The following DDHD1 variants were observed in gnomAD, a reference collection of about 807,000 sequenced individuals.
DDHD1 encodes the protein phospholipase DDHD1.
A neutral mutation model predicts 96.4 loss-of-function variants in DDHD1; 49 were observed. The observed-to-expected ratio is 0.51, with a 90% CI of 0.40 to 0.64. DDHD1 has a LOEUF of 0.64. Ranked by LOEUF, DDHD1 falls within the 30% of genes least tolerant of loss-of-function variation. The pLI is 0.00. For synonymous variants in DDHD1, 442 were observed against 446.5 expected, an observed-to-expected ratio of 0.99 and a Z score of 0.13; for missense variants, 1,106 against 1,161.2, an observed-to-expected ratio of 0.95 and a Z score of 0.69.
chr14:53,051,973 T>A (rs1882625396), intron 11 of DDHD1, 46 bp from the exon 12 acceptor site: 1 of 1,463,392 alleles, frequency 6.8e-7, no homozygotes, highest in Non-Finnish European at 9.4e-7. Context: ...GGCTGATGAT[T>A]AAAAATGGCC....
In DDHD1 at chr14:53,103,687, T is replaced by C. The variant is rs143307366; in HGVS notation, c.1008A>G (p.Lys336=). ...DIEVSKSIDG[K]DAVHSFKLSR... ...AAATGTATCAATTGATCTTACCATC[T>C]TTTCCATCTATGGATTTTGACACTT... is the stretch of plus-strand genomic sequence containing the variant. Residue 336 remains lysine, a synonymous_variant, in exon 2 of 13, where the codon AAA becomes AAG. Transcript: ENST00000673822. 114 of 1,608,660 alleles carry C rather than the reference T, an allele frequency of 7.1e-5. No homozygotes were observed. In the African/African-American group the frequency reaches 9.1e-4, roughly 13 times the overall value.
chr14:53,065,666 T>C (rs970351701), intron 6 of DDHD1, among the ~76,000 whole-genome samples: 13 of 152,300 alleles, frequency 8.5e-5, no homozygotes, highest in Non-Finnish European at 1.9e-4. Flanking sequence ...CATGAGCATG[T>C]AAGAATCTGA....
intron 1 of DDHD1, among the ~76,000 whole-genome samples, chr14:53,148,910 T>C (rs1238183048): frequency 6.6e-6 from 1 of 152,200 alleles, no homozygotes; most frequent in Admixed American, 6.5e-5. Context: ...ATGTTACATA[T>C]AATAATCCTC....
chr14:53,086,972 CAAAAAA>C (rs60569444), intron 4 of DDHD1, among the ~76,000 whole-genome samples: 4 of 52,204 alleles, frequency 7.7e-5, no homozygotes, highest in African/African-American at 1.4e-4. Context: ...AAATGAAAAG[CAAAAAA>C]AAAAAAAAAA....
Position 53,076,369 on chromosome 14 carries a change from C to T in DDHD1, c.1290-2522G>A, listed in dbSNP as rs115230142. On this transcript the variant is annotated intron_variant, in intron 4 of 12. Coordinates refer to ENST00000673822, the MANE Select transcript of DDHD1 (RefSeq NM_001160148.2). ...AGATGTATTGGAAATAGCAAGAGAA[C>T]TAAAATAAGCAGAGTGTGAAGATGT... Among the ~76,000 whole-genome samples, 140 of 152,226 alleles carry T rather than the reference C, an allele frequency of 9.2e-4. 1 individual carries two copies. Among genetic ancestry groups the T allele is most frequent in the African/African-American group, 3.3e-3 (138 of 41,536 alleles).
At chr14:53,116,550 G>A (rs887610492) in intron 1 of DDHD1, among the ~76,000 whole-genome samples, 1 of 152,170 alleles carries the variant, frequency 6.6e-6, no homozygotes, top group African/African-American at 2.4e-5. Flanking sequence ...AATCAAATTA[G>A]AACTCAGGAT....
chr14:53,150,270 T>C (rs1891253726), intron 1 of DDHD1, among the ~76,000 whole-genome samples: 1 of 152,300 alleles, frequency 6.6e-6, no homozygotes, highest in Middle Eastern at 3.4e-3. Context: ...TAAGACTCTG[T>C]CTTAAATTTT....
chr14:53,106,244 C>T (rs757832344), intron 1 of DDHD1, among the ~76,000 whole-genome samples: 2 of 152,172 alleles, frequency 1.3e-5, no homozygotes, highest in Admixed American at 1.3e-4. Context: ...ATTATCACCA[C>T]ATATTTCCTA....
At chr14:53,080,627 A>C (rs1885379631) in intron 4 of DDHD1, among the ~76,000 whole-genome samples, 1 of 150,752 alleles carries the variant, frequency 6.6e-6, no homozygotes, top group Admixed American at 6.6e-5. Flanking sequence ...TCATAGAATA[A>C]TTTTCTCTAT....
At position 53,046,882 on chromosome 14, in the gene DDHD1, A is replaced by G. The variant is rs757075549; in HGVS notation, c.2589T>C (p.Ala863=). The part of the protein sequence containing the change: ...EGLVESRYWS[A]VTSHTAYWSS... ...ACCAATAGGCAGTATGCGACGTGAC[A>G]GCTGACCAATAGCGGCTCTCCACAA... The change falls in exon 13 of 13, where the codon GCT becomes GCC. Residue 863 remains alanine, a synonymous_variant. Coordinates refer to ENST00000673822, the MANE Select transcript of DDHD1 (RefSeq NM_001160148.2). 7 of 1,613,878 alleles carry G rather than the reference A, an allele frequency of 4.3e-6. No homozygotes were observed. The highest frequency in any genetic ancestry group is 5.1e-6 in the Non-Finnish European group (6 of 1,179,850).
At chr14:53,101,434 A>G (rs982829674) in intron 2 of DDHD1, among the ~76,000 whole-genome samples, 1 of 152,126 alleles carries the variant, frequency 6.6e-6, no homozygotes, top group African/African-American at 2.4e-5. Flanking sequence ...ATAACAGAAC[A>G]TGCTGAATCT....
At chr14:53,137,266 G>A (rs1890304750) in intron 1 of DDHD1, among the ~76,000 whole-genome samples, 1 of 152,088 alleles carries the variant, frequency 6.6e-6, no homozygotes, top group Non-Finnish European at 1.5e-5. Context: ...AAACATAATA[G>A]AAACTAAAGT....
intron 1 of DDHD1, among the ~76,000 whole-genome samples, chr14:53,113,040 A>C (rs1257208814): frequency 1.3e-5 from 2 of 151,944 alleles, no homozygotes; most frequent in African/African-American, 2.4e-5. Context: ...GCTTACTGCA[A>C]CCTCCACCTC....
chr14:53,139,843 C>CAAAAAAAAAA (rs56999105), intron 1 of DDHD1, among the ~76,000 whole-genome samples: 5 of 131,260 alleles, frequency 3.8e-5, no homozygotes, highest in Non-Finnish European at 3.2e-5. Context: ...CAAGAGACCA[C>CAAAAAAAAAA]AAAAAAAAAA....
intron 2 of DDHD1, among the ~76,000 whole-genome samples, chr14:53,102,223 TG>T (rs1487979601): frequency 6.6e-6 from 1 of 152,068 alleles, no homozygotes; most frequent in Non-Finnish European, 1.5e-5. Context: ...TGACCAATAG[TG>T]ATGAGAAGTT....
intron 1 of DDHD1, among the ~76,000 whole-genome samples, chr14:53,110,744 G>C (rs1428273132): frequency 6.6e-6 from 1 of 152,094 alleles, no homozygotes; most frequent in Middle Eastern, 3.2e-3. Flanking sequence ...AGGACGCTGA[G>C]GTGGGCGGAT....
chr14:53,072,143 A>C (rs1000099618), intron 6 of DDHD1, among the ~76,000 whole-genome samples: 2 of 152,064 alleles, frequency 1.3e-5, no homozygotes, highest in Non-Finnish European at 1.5e-5. Flanking sequence ...CATTTGGTGG[A>C]GATTCTCTCA....
At chr14:53,078,149 A>G (rs7153762) in intron 4 of DDHD1, among the ~76,000 whole-genome samples, 132,776 of 152,182 alleles carry the variant, frequency 0.87, 58,002 homozygotes, top group East Asian at 0.98. Flanking sequence ...ACACATAAGC[A>G]ATATTACTGG....
chr14:53,097,409 TAAC>T (rs1372789380), intron 2 of DDHD1, among the ~76,000 whole-genome samples: 1 of 152,028 alleles, frequency 6.6e-6, no homozygotes, highest in African/African-American at 2.4e-5. Flanking sequence ...GTCAGGATTA[TAAC>T]AACATTTCCT....
Sources: gnomAD v4.1 joint callset for allele counts (sites outside exome capture counted in the v4.1 genomes callset) on GRCh38, gnomAD v4.1.1 for gene constraint, MANE v1.5 for transcripts, NCBI Gene and HGNC (gene_info 2026-07-23, HGNC 2026-07-21) for gene names.